The following DDHD1 variants were observed in gnomAD, a reference collection of about 807,000 sequenced individuals.
DDHD1 encodes the protein phospholipase DDHD1.
A neutral mutation model predicts 96.4 loss-of-function variants in DDHD1; 49 were observed. That is an observed-to-expected ratio of 0.51 (90% CI 0.40 to 0.64). The LOEUF (loss-of-function observed/expected upper bound fraction) is 0.64. DDHD1 is among the 30% of genes least tolerant of loss of function. The probability of loss-of-function intolerance (pLI) is 0.00; values close to 1 mark genes in which losing one functional copy is unlikely to be tolerated. For synonymous variants in DDHD1, 442 were observed against 446.5 expected, an observed-to-expected ratio of 0.99 and a Z score of 0.13; for missense variants, 1,106 against 1,161.2, an observed-to-expected ratio of 0.95 and a Z score of 0.69.
At chr14:53,136,090 G>A (rs142023700) in intron 1 of DDHD1, among the ~76,000 whole-genome samples, 30 of 152,170 alleles carry the variant, frequency 2.0e-4, no homozygotes, top group African/African-American at 7.2e-4. Flanking sequence ...CCCTTAAGAA[G>A]GTTCTTTGTA....
At chr14:53,056,549 A>T (rs1883072556) in intron 9 of DDHD1, among the ~76,000 whole-genome samples, 1 of 152,160 alleles carries the variant, frequency 6.6e-6, no homozygotes, top group Admixed American at 6.5e-5. Context: ...CTCCCACCTC[A>T]GCCTCCCAAA....
intron 4 of DDHD1, among the ~76,000 whole-genome samples, chr14:53,089,593 G>A (rs2139989937): frequency 6.6e-6 from 1 of 152,270 alleles, no homozygotes; most frequent in Admixed American, 6.5e-5. Flanking sequence ...AAATGATGCT[G>A]GGAAAACTGG....
intron 2 of DDHD1, among the ~76,000 whole-genome samples, chr14:53,097,874 T>A (rs552459856): frequency 3.8e-4 from 58 of 151,832 alleles, no homozygotes; most frequent in African/African-American, 1.3e-3. Flanking sequence ...AAGAAAAAAA[T>A]TTTTTTCATC....
chr14:53,111,721 C>A (rs1313576389), intron 1 of DDHD1, among the ~76,000 whole-genome samples: 1 of 152,018 alleles, frequency 6.6e-6, no homozygotes, highest in Admixed American at 6.6e-5. Context: ...GAATTAAAAT[C>A]CATTTTACAG....
rs33960665 is a variant in DDHD1, at chr14:53,046,759, CAA to C, written c.*7_*8del. ...TCAGTTTTAGGCCATTCATGTCCTTCAAGAGAGTTCAGATTGGATCTAAATTG... is the reference window on the plus strand; with the variant it reads ...TCAGTTTTAGGCCATTCATGTCCTTCGAGAGTTCAGATTGGATCTAAATTG... On this transcript the variant is annotated 3_prime_UTR_variant, in exon 13 of 13. Coordinates refer to ENST00000673822, the MANE Select transcript of DDHD1 (RefSeq NM_001160148.2). 7.7e-3 allele frequency: 9,385 copies of C among 1,214,006 alleles called. 491 individuals are homozygous for C. In the African/African-American group the frequency reaches 0.18, roughly 24 times the overall value. 75.2% of individuals were successfully genotyped at this position (1,214,006 alleles called of 1,614,324 possible).
intron 8 of DDHD1, among the ~76,000 whole-genome samples, chr14:53,059,143 A>G (rs944459052): frequency 2.0e-5 from 3 of 152,354 alleles, no homozygotes; most frequent in African/African-American, 7.2e-5. Context: ...AGGTTTCTAC[A>G]GCTGGGGTTG....
intron 1 of DDHD1, among the ~76,000 whole-genome samples, chr14:53,122,011 A>G (rs1374520740): frequency 6.6e-6 from 1 of 151,870 alleles, no homozygotes; most frequent in Non-Finnish European, 1.5e-5. Context: ...GTGCTCTACA[A>G]TAATGGAGCT....
intron 1 of DDHD1, among the ~76,000 whole-genome samples, chr14:53,104,648 T>C (rs1033839978): frequency 1.3e-5 from 2 of 152,140 alleles, no homozygotes; most frequent in Non-Finnish European, 2.9e-5. Flanking sequence ...AAAACTTTCT[T>C]GGCTAACTTT....
At chr14:53,097,070 G>A (rs1886944750) in intron 2 of DDHD1, among the ~76,000 whole-genome samples, 12 of 151,854 alleles carry the variant, frequency 7.9e-5, no homozygotes, top group Admixed American at 7.9e-4. Flanking sequence ...ACTTGAACTT[G>A]AACCTTACAA....
At chr14:53,112,826 C>T (rs1358926633) in intron 1 of DDHD1, among the ~76,000 whole-genome samples, 1 of 152,066 alleles carries the variant, frequency 6.6e-6, no homozygotes, top group Non-Finnish European at 1.5e-5. Flanking sequence ...TATCACTAAG[C>T]CCTGCTTGAC....
intron 4 of DDHD1, among the ~76,000 whole-genome samples, chr14:53,080,522 GTTTC>G (rs1252404520): frequency 1.3e-5 from 2 of 151,772 alleles, no homozygotes; most frequent in Admixed American, 6.6e-5. Context: ...AGTTGAAAAT[GTTTC>G]TTTCAGTTCA....
chr14:53,088,066 A>C (rs1166481575), intron 4 of DDHD1, among the ~76,000 whole-genome samples: 2 of 152,254 alleles, frequency 1.3e-5, no homozygotes, highest in Non-Finnish European at 2.9e-5. Flanking sequence ...GAAAATCTAG[A>C]AGAAATGGAT....
At chr14:53,086,581 T>C (rs1401153018) in intron 4 of DDHD1, among the ~76,000 whole-genome samples, 10 of 151,740 alleles carry the variant, frequency 6.6e-5, no homozygotes, top group Non-Finnish European at 1.0e-4. Context: ...GAAAAAAATC[T>C]TTTACAGACA....
chr14:53,133,227 C>T (rs777105673), intron 1 of DDHD1, among the ~76,000 whole-genome samples: 1 of 152,306 alleles, frequency 6.6e-6, no homozygotes, highest in East Asian at 1.9e-4. Context: ...TGCCCCTGCC[C>T]AGGACTGGCA....
intron 1 of DDHD1, among the ~76,000 whole-genome samples, chr14:53,140,099 C>T (rs1043215020): frequency 6.6e-6 from 1 of 151,624 alleles, no homozygotes; most frequent in Admixed American, 6.6e-5. Context: ...AATCAGTAAA[C>T]TTGAAAATAA....
chr14:53,131,739 T>C (rs566493039), intron 1 of DDHD1, among the ~76,000 whole-genome samples: 1 of 152,290 alleles, frequency 6.6e-6, no homozygotes, highest in Non-Finnish European at 1.5e-5. Flanking sequence ...TCTCAACTTA[T>C]TAAGCATTTT....
chr14:53,051,897 A>C lies in DDHD1; in HGVS notation c.2468T>G (p.Leu823Arg), dbSNP rs1882609465. ...YFRLQESFFN[L>R]PQLLFPENVM... is the part of the protein sequence containing the mutation. ...ATTTTCCGGAAAAAGAAGTTGTGGG[A>C]GATTAAAGAACGATTCTTGAAGTCT... Residue 823 changes from leucine (L) to arginine (R), a missense_variant, in exon 12 of 13, where the codon CTC becomes CGC. By Grantham distance (102) the Leu-to-Arg change is moderately radical. This residue lies in a region of DDHD1 where 650 missense variants were observed against 758.8 expected (regional missense o/e 0.86). Transcript: ENST00000673822. 3 of 1,596,974 alleles carry C rather than the reference A, an allele frequency of 1.9e-6. No homozygotes were observed. Among genetic ancestry groups the C allele is most frequent in the Non-Finnish European group, 2.6e-6 (3 of 1,170,886 alleles).
chr14:53,152,529 GA>G lies in DDHD1; in HGVS notation c.569del (p.Ile190ThrfsTer63). ...KPFIGYDSLRIELAFRTLLQT... is the reference protein window; with the variant it reads ...KPFIGYDSLRXELAFRTLLQT... ...GCAGCAGGGTCCGGAAGGCGAGCTC[GA>G]TGCGGAGCGAGTCGTAGCCGATGAA... On this transcript the variant is annotated frameshift_variant, in exon 1 of 13. Transcript: ENST00000673822. LOFTEE classifies it high-confidence loss of function. 1 of 1,613,486 alleles carries G rather than the reference GA, an allele frequency of 6.2e-7. No homozygotes were observed. Among genetic ancestry groups the G allele is most frequent in the East Asian group, 2.2e-5 (1 of 44,848 alleles).
chr14:53,058,805 A>G (rs1054826186), intron 8 of DDHD1, among the ~76,000 whole-genome samples, 179 bp from the exon 9 acceptor site: 1 of 152,242 alleles, frequency 6.6e-6, no homozygotes, highest in South Asian at 2.1e-4. Context: ...AGAATAATCT[A>G]TTTCCATGAG....
Sources: allele counts gnomAD v4.1 joint callset (sites outside exome capture counted in the v4.1 genomes callset), GRCh38; gene constraint gnomAD v4.1.1; regional missense constraint gnomAD v4.1.1; transcripts MANE v1.5; gene names NCBI Gene and HGNC (gene_info 2026-07-23, HGNC 2026-07-21).